EPB41L3: variants seen among roughly 807,000 people sequenced by gnomAD.
EPB41L3 encodes band 4.1-like protein 3.
Under a neutral mutation model 127.1 loss-of-function variants are expected in EPB41L3, and 57 were observed. That is an observed-to-expected ratio of 0.45 (90% CI 0.36 to 0.56). EPB41L3 has a LOEUF of 0.56. Ranked by LOEUF, EPB41L3 falls within the 20% of genes least tolerant of loss-of-function variation. The probability of loss-of-function intolerance (pLI) is 0.00; values close to 1 mark genes in which losing one functional copy is unlikely to be tolerated. For synonymous variants in EPB41L3, 572 were observed against 549.5 expected, an observed-to-expected ratio of 1.04 and a Z score of -0.57; for missense variants, 1,273 against 1,372.2, an observed-to-expected ratio of 0.93 and a Z score of 1.14.
chr18:5,564,418 G>T (rs182692014), intron 3 of EPB41L3, among the ~76,000 whole-genome samples: 1 of 152,120 alleles, frequency 6.6e-6, no homozygotes, highest in Non-Finnish European at 1.5e-5. Context: ...ATTAATCAAG[G>T]AAAAGGGGTT....
Position 5,556,015 on chromosome 18 carries a change from T to A in EPB41L3, c.-306+56325A>T, listed in dbSNP as rs1456668980. Among the ~76,000 whole-genome samples the A allele has an allele frequency of 6.6e-5, 10 of 152,318 alleles. No individual in the cohort carries two copies. The South Asian group carries it at 1.2e-3, about 19-fold the overall frequency. On this transcript the variant is annotated intron_variant, in intron 3 of 21. Coordinates refer to the EPB41L3 transcript ENST00000545076. The stretch of plus-strand genomic sequence containing the variant: ...TGTGTGTGGCGATTCCATGAACCAT[T>A]GTCTCCCTTCACTAGATGCAAGTCC...
intron 3 of EPB41L3, among the ~76,000 whole-genome samples, chr18:5,474,634 T>G (rs371970140): frequency 1.3e-5 from 2 of 152,356 alleles, no homozygotes; most frequent in African/African-American, 4.8e-5. Flanking sequence ...TAAAATGCTC[T>G]TTTTGATGCC....
At chr18:5,444,687 T>C (rs1057314150) in intron 4 of EPB41L3, among the ~76,000 whole-genome samples, 16 of 152,110 alleles carry the variant, frequency 1.1e-4, no homozygotes, top group African/African-American at 3.6e-4. Flanking sequence ...AAAAGATAAA[T>C]GAAAAATAGG....
intron 5 of EPB41L3, among the ~76,000 whole-genome samples, chr18:5,440,013 G>T (rs1486632738): frequency 1.3e-5 from 2 of 152,118 alleles, no homozygotes; most frequent in Non-Finnish European, 2.9e-5. Flanking sequence ...ATACAGAAAA[G>T]ACATTTAATG....
chr18:5,409,498 A>T (rs955459153), intron 14 of EPB41L3, among the ~76,000 whole-genome samples: 1 of 152,144 alleles, frequency 6.6e-6, no homozygotes, highest in South Asian at 2.1e-4. Flanking sequence ...TCTGCATAAT[A>T]GTTTTAACAA....
chr18:5,525,666 AT>A (rs2093194791), intron 1 of EPB41L3, among the ~76,000 whole-genome samples: 1 of 152,232 alleles, frequency 6.6e-6, no homozygotes, highest in Non-Finnish European at 1.5e-5. Flanking sequence ...TAGACATATT[AT>A]AATACATATG....
Position 5,396,295 on chromosome 18 carries a change from C to G in EPB41L3, c.2879G>C (p.Ser960Thr). 2 of 1,614,198 alleles carry G rather than the reference C, an allele frequency of 1.2e-6. No individual in the cohort carries two copies. Among genetic ancestry groups the G allele is most frequent in the Non-Finnish European group, 1.7e-6 (2 of 1,180,024 alleles). The stretch of plus-strand genomic sequence containing the variant: ...TAGCTTTACTCCTCCCGGTGAAACA[C>G]TGCCAAAACTGATGGTTTCCGTCTT... Reference protein sequence around the residue: ...TVKTETISFGSVSPGGVKLEI... With the variant: ...TVKTETISFGTVSPGGVKLEI... The change falls in exon 19 of 23, where the codon AGT becomes ACT. Residue 960 changes from serine to threonine, a missense_variant. By Grantham distance (58) the Ser-to-Thr change is moderately conservative (BLOSUM62 1). Transcript: ENST00000341928.
At position 5,392,586 on chromosome 18, in the gene EPB41L3, A is replaced by C. The variant is rs1198052895; in HGVS notation, c.*899T>G. 1 of 152,664 alleles carries C rather than the reference A, an allele frequency of 6.6e-6. No individual in the cohort carries two copies. The highest frequency in any genetic ancestry group is 2.4e-5 in the African/African-American group (1 of 41,458). 9.5% of individuals were successfully genotyped at this position (152,664 alleles called of 1,614,324 possible). ...AGAATGTAAATATGGACCAGATTTG[A>C]AAATAAAACACTTTCTTTTCAAGTA... On this transcript the variant is annotated 3_prime_UTR_variant, in exon 23 of 23. Transcript: ENST00000341928.
At chr18:5,541,062 G>A (rs2093708885) in intron 1 of EPB41L3, among the ~76,000 whole-genome samples, 1 of 136,048 alleles carries the variant, frequency 7.4e-6, no homozygotes, top group South Asian at 2.4e-4. Flanking sequence ...TCCAGCCTGG[G>A]CGACAGAGCG....
chr18:5,411,666 T>TTTTTTTTTTTTTTTTTTTTTTGAGACGGA (rs1377441383), intron 13 of EPB41L3, among the ~76,000 whole-genome samples: 1 of 151,262 alleles, frequency 6.6e-6, no homozygotes, highest in African/African-American at 2.5e-5. Flanking sequence ...ATTAATATTT[T>TTTTTTTTTTTTTTTTTTTTTTGAGACGGA]GAAAACAAAA....
At chr18:5,423,192 T>A (rs1036721438) in intron 11 of EPB41L3, among the ~76,000 whole-genome samples, 186 bp downstream of exon 11, 7 of 152,176 alleles carry the variant, frequency 4.6e-5, no homozygotes, top group African/African-American at 1.7e-4. Flanking sequence ...CTGCAGATGT[T>A]AGACTGACAA....
intron 2 of EPB41L3, among the ~76,000 whole-genome samples, chr18:5,613,183 T>A (rs1245515093): frequency 6.6e-6 from 1 of 152,158 alleles, no homozygotes; most frequent in African/African-American, 2.4e-5. Flanking sequence ...AGTTCAGTCA[T>A]CTCTTAAGGA....
intron 22 of EPB41L3, 30 bp from the exon 23 acceptor site, chr18:5,393,508 A>C (rs2072726839): frequency 2.9e-6 from 2 of 700,800 alleles, no homozygotes; most frequent in Non-Finnish European, 5.2e-6. Context: ...TTAGTTACTC[A>C]TTTGAAAACA....
intron 1 of EPB41L3, among the ~76,000 whole-genome samples, chr18:5,620,670 T>C (rs1227219621): frequency 6.6e-6 from 1 of 152,232 alleles, no homozygotes; most frequent in Admixed American, 6.5e-5. Flanking sequence ...TCATCCGATC[T>C]TTTAAAAATA....
intron 11 of EPB41L3, 134 bp downstream of exon 11, chr18:5,423,244 T>C: frequency 1.1e-6 from 1 of 890,788 alleles, no homozygotes; most frequent in Non-Finnish European, 1.5e-6. Context: ...AAATGTGCCA[T>C]TCAGTCAATA....
At chr18:5,427,535 T>A (rs914444008) in intron 9 of EPB41L3, among the ~76,000 whole-genome samples, 3 of 152,184 alleles carry the variant, frequency 2.0e-5, no homozygotes, top group African/African-American at 4.8e-5. Context: ...CAAACATATA[T>A]TGAGCTATAG....
intron 1 of EPB41L3, among the ~76,000 whole-genome samples, chr18:5,541,798 C>T (rs1324950324): frequency 6.6e-6 from 1 of 152,172 alleles, no homozygotes; most frequent in East Asian, 1.9e-4. Flanking sequence ...GACATTTGAC[C>T]TACAGCTCCT....
At chr18:5,448,179 C>T (rs2081794702) in intron 3 of EPB41L3, among the ~76,000 whole-genome samples, 1 of 152,136 alleles carries the variant, frequency 6.6e-6, no homozygotes, top group Admixed American at 6.5e-5. Context: ...CCTTTGCAAA[C>T]CACTAATGGA....
chr18:5,608,927 G>T (rs2143984802), intron 3 of EPB41L3, among the ~76,000 whole-genome samples: 1 of 152,230 alleles, frequency 6.6e-6, no homozygotes, highest in Admixed American at 6.5e-5. Flanking sequence ...ATATTCCTAA[G>T]GATATTTATG....
Sources: allele counts gnomAD v4.1 joint callset (sites outside exome capture counted in the v4.1 genomes callset), GRCh38; gene constraint gnomAD v4.1.1; transcripts MANE v1.5; gene names NCBI Gene and HGNC (gene_info 2026-07-23, HGNC 2026-07-21).